SLC9A9: variants seen among roughly 807,000 people sequenced by gnomAD.
The protein encoded by SLC9A9 is solute carrier family 9 member A9.
In SLC9A9, 62 loss-of-function variants were observed where a neutral mutation model predicts 77.8. The observed-to-expected ratio is 0.80, with a 90% CI of 0.65 to 0.98. The LOEUF is 0.98. Among genes scored for constraint, SLC9A9 ranks in the 50% least tolerant of loss-of-function variants. The pLI, the probability that SLC9A9 is intolerant of heterozygous loss-of-function variation, is 0.00. For missense variants in SLC9A9, 775 were observed against 774.9 expected (o/e 1.00, Z 0.00); for synonymous variants, 320 against 283.5 (o/e 1.13, Z -1.29).
chr3:143,307,722 T>C (rs1031440353), intron 14 of SLC9A9, among the ~76,000 whole-genome samples: 7 of 152,328 alleles, frequency 4.6e-5, no homozygotes, highest in Admixed American at 4.6e-4. Flanking sequence ...GTTGGCTGCT[T>C]ACCCACTTTC....
intron 11 of SLC9A9, among the ~76,000 whole-genome samples, chr3:143,469,255 G>C (rs1302910597): frequency 6.6e-6 from 1 of 152,152 alleles, no homozygotes; most frequent in African/African-American, 2.4e-5. Context: ...TGGAAGAAGA[G>C]TAAATAAAAG....
chr3:143,334,593 A>C (rs534965650), intron 14 of SLC9A9, among the ~76,000 whole-genome samples: 2 of 152,322 alleles, frequency 1.3e-5, no homozygotes, highest in South Asian at 2.1e-4. Flanking sequence ...CCCTTACCTC[A>C]TAATGTTATT....
chr3:143,366,917 A>G (rs539224056), intron 13 of SLC9A9, among the ~76,000 whole-genome samples: 86 of 152,328 alleles, frequency 5.6e-4, no homozygotes, highest in African/African-American at 2.0e-3. Context: ...CAGCAGGTAT[A>G]CATACCCCAA....
chr3:143,811,246 C>T (rs1216975764), intron 2 of SLC9A9, among the ~76,000 whole-genome samples: 1 of 152,174 alleles, frequency 6.6e-6, no homozygotes, highest in Non-Finnish European at 1.5e-5. Flanking sequence ...AACATCATGG[C>T]TCAGGCAGCT....
At chr3:143,441,949 A>G (rs1281358809) in intron 12 of SLC9A9, among the ~76,000 whole-genome samples, 1 of 151,444 alleles carries the variant, frequency 6.6e-6, no homozygotes, top group Non-Finnish European at 1.5e-5. Context: ...TCCCCTAATT[A>G]CCCATCCATC....
At chr3:143,705,163 G>T (rs1340151870) in intron 4 of SLC9A9, among the ~76,000 whole-genome samples, 2 of 151,968 alleles carry the variant, frequency 1.3e-5, no homozygotes, top group African/African-American at 2.4e-5. Flanking sequence ...GGAGCTGGAA[G>T]TTATTATGTT....
In SLC9A9 at chr3:143,359,412, TGA is replaced by T. The variant is rs201980676; in HGVS notation, c.1604+4070_1604+4071del. Among the ~76,000 whole-genome samples, 15 of 151,376 alleles carry T rather than the reference TGA, an allele frequency of 9.9e-5. No homozygotes were observed. The East Asian group carries it at 2.7e-3, about 28-fold the overall frequency. Reference sequence around the variant, plus strand: ...GTGAAAAAAATAAAGCAGGAAGGAGTGAGAGAGTTAGCTCCTTTTAGACATTT... The same window carrying T: ...GTGAAAAAAATAAAGCAGGAAGGAGTGAGAGTTAGCTCCTTTTAGACATTT... On this transcript the variant is annotated intron_variant, in intron 14 of 15. Transcript: ENST00000316549.
chr3:143,391,403 A>G (rs2033562100), intron 12 of SLC9A9, among the ~76,000 whole-genome samples: 1 of 152,256 alleles, frequency 6.6e-6, no homozygotes, highest in South Asian at 2.1e-4. Flanking sequence ...GACTGTTAGA[A>G]GGAAAACTAA....
chr3:143,614,980 G>GT (rs11405764), intron 6 of SLC9A9, among the ~76,000 whole-genome samples: 2,079 of 152,262 alleles, frequency 0.014, 43 homozygotes, highest in African/African-American at 0.047. Context: ...GGGGTTCTTG[G>GT]TATAGGCCCT....
At chr3:143,450,209 T>C (rs1424561138) in intron 12 of SLC9A9, among the ~76,000 whole-genome samples, 1 of 136,368 alleles carries the variant, frequency 7.3e-6, no homozygotes, top group African/African-American at 2.7e-5. Flanking sequence ...AATATATAAA[T>C]AATAAGATAA....
At chr3:143,365,840 A>G (rs556134913) in intron 13 of SLC9A9, among the ~76,000 whole-genome samples, 1 of 152,214 alleles carries the variant, frequency 6.6e-6, no homozygotes, top group African/African-American at 2.4e-5. Context: ...TGTCAACAGC[A>G]TATTGGGGTT....
chr3:143,730,902 T>G, intron 4 of SLC9A9, among the ~76,000 whole-genome samples: 1 of 152,180 alleles, frequency 6.6e-6, no homozygotes, highest in East Asian at 1.9e-4. Context: ...AAAGAGGCCA[T>G]AGGCTACAAT....
chr3:143,718,178 A>T (rs912523462), intron 4 of SLC9A9, among the ~76,000 whole-genome samples: 3 of 152,190 alleles, frequency 2.0e-5, no homozygotes, highest in African/African-American at 7.2e-5. Flanking sequence ...AACATTAAGA[A>T]CAAAAGGAAA....
rs1328520097 is a variant in SLC9A9 at position 143,266,057 on chromosome 3, A to G, written c.*645T>C. On this transcript the variant is annotated 3_prime_UTR_variant, in exon 16 of 16. Coordinates refer to ENST00000316549, the MANE Select transcript of SLC9A9 (RefSeq NM_173653.4). ...CATTTAGGGCAGGGCACACCCAGCC[A>G]TAGGCAACCCCTTTGAGCGATGGGA... The G allele has an allele frequency of 5.7e-6, 4 of 702,366 alleles. No homozygotes were observed. Among genetic ancestry groups the G allele is most frequent in the Admixed American group, 4.0e-5 (2 of 49,986 alleles). The allele number at this position is 702,366 out of a possible 1,614,324, so 43.5% of individuals were successfully genotyped here. A position where few individuals can be genotyped will look rare whatever the true frequency, so the allele number is the denominator to read the frequency against.
intron 14 of SLC9A9, among the ~76,000 whole-genome samples, chr3:143,312,576 A>G (rs560482424): frequency 4.1e-4 from 63 of 152,342 alleles, no homozygotes; most frequent in African/African-American, 1.4e-3. Context: ...TTTTCTTTCT[A>G]GTAGCTGAAA....
At chr3:143,519,331 G>C (rs1278782089) in intron 9 of SLC9A9, among the ~76,000 whole-genome samples, 3 of 152,156 alleles carry the variant, frequency 2.0e-5, no homozygotes, top group Non-Finnish European at 2.9e-5. Flanking sequence ...AAAACAGTGA[G>C]AGAGCAAGCC....
At chr3:143,709,675 T>A (rs1429952550) in intron 4 of SLC9A9, among the ~76,000 whole-genome samples, 1 of 152,180 alleles carries the variant, frequency 6.6e-6, no homozygotes, top group African/African-American at 2.4e-5. Flanking sequence ...GCCTCCCTGC[T>A]GATTTGTGGA....
intron 5 of SLC9A9, among the ~76,000 whole-genome samples, chr3:143,656,052 T>C (rs1576637862): frequency 6.6e-6 from 1 of 152,198 alleles, no homozygotes; most frequent in East Asian, 1.9e-4. Context: ...AGAAGAAAAC[T>C]GAAGGGCAGA....
rs1021148821 is a variant in SLC9A9, at chr3:143,795,321, T to C, written c.457-244A>G. 2.3e-4 allele frequency among the ~76,000 whole-genome samples: 32 copies of C among 137,846 alleles called. 1 individual carries two copies. Among genetic ancestry groups the C allele is most frequent in the Middle Eastern group, 4.1e-3 (1 of 244 alleles). 90.4% of individuals were successfully genotyped at this position (137,846 alleles called of 152,430 possible). ...AAAAACCCACTGGAAGATGAGTAGGTAGGGATGAGAGAGACAACTCCAAGA... is the reference window on the plus strand; with the variant it reads ...AAAAACCCACTGGAAGATGAGTAGGCAGGGATGAGAGAGACAACTCCAAGA... On this transcript the variant is annotated intron_variant, in intron 3 of 15. Coordinates refer to ENST00000316549, the MANE Select transcript of SLC9A9 (RefSeq NM_173653.4).
Sources: gnomAD v4.1 joint callset for allele counts (sites outside exome capture counted in the v4.1 genomes callset) on GRCh38, gnomAD v4.1.1 for gene constraint, MANE v1.5 for transcripts, NCBI Gene and HGNC (gene_info 2026-07-23, HGNC 2026-07-21) for gene names.